DCC: variants seen among roughly 807,000 people sequenced by gnomAD.
DCC encodes DCC netrin 1 receptor.
A neutral mutation model predicts 172.5 loss-of-function variants in DCC; 58 were observed. The observed-to-expected ratio is 0.34, with a 90% CI of 0.27 to 0.42. The LOEUF is 0.42. Ranked by LOEUF, DCC falls within the 10% of genes least tolerant of loss-of-function variation. The pLI, the probability that DCC is intolerant of heterozygous loss-of-function variation, is 1.00. For missense variants in DCC, 1,740 were observed against 1,791.0 expected (o/e 0.97, Z 0.51); for synonymous variants, 709 against 644.5 (o/e 1.10, Z -1.52).
At chr18:52,512,090 A>G (rs1362102214) in intron 1 of DCC, among the ~76,000 whole-genome samples, 2 of 152,208 alleles carry the variant, frequency 1.3e-5, no homozygotes, top group Non-Finnish European at 2.9e-5. Flanking sequence ...ACTTTACCTG[A>G]AAGAAGCTAA....
intron 1 of DCC, among the ~76,000 whole-genome samples, chr18:52,443,025 G>A (rs994934213): frequency 5.3e-5 from 8 of 151,562 alleles, no homozygotes; most frequent in African/African-American, 1.9e-4. Flanking sequence ...TTTAGCAGAA[G>A]TTGAAAAATC....
In DCC at chr18:53,351,316, C is replaced by CTGTGTATATATATACATATATATAT. The variant is rs1568074581; in HGVS notation, c.2359+11409_2359+11410insTGTGTATATATATACATATATATAT. On this transcript the variant is annotated intron_variant, in intron 15 of 28. Transcript: ENST00000442544. ...GTATATATATATATATATATATATACACTGTATATATATATACAGTGTATA... is the reference window on the plus strand; with the variant it reads ...GTATATATATATATATATATATATACTGTGTATATATATACATATATATATACTGTATATATATATACAGTGTATA... Among the ~76,000 whole-genome samples the CTGTGTATATATATACATATATATAT allele has an allele frequency of 1.0e-4, 2 of 19,892 alleles. 1 individual carries two copies. Among genetic ancestry groups the CTGTGTATATATATACATATATATAT allele is most frequent in the Non-Finnish European group, 2.0e-4 (2 of 10,132 alleles). 13.0% of individuals were successfully genotyped at this position (19,892 alleles called of 152,430 possible). A position where few individuals can be genotyped will look rare whatever the true frequency, so the allele number is the denominator to read the frequency against.
intron 1 of DCC, among the ~76,000 whole-genome samples, chr18:52,584,706 ATT>A (rs200776292): frequency 4.1e-5 from 6 of 145,076 alleles, no homozygotes; most frequent in African/African-American, 1.0e-4. Flanking sequence ...TGCCCAGATA[ATT>A]TTTTTTTTTT....
At chr18:52,635,044 G>A (rs1047412315) in intron 1 of DCC, among the ~76,000 whole-genome samples, 1 of 152,148 alleles carries the variant, frequency 6.6e-6, no homozygotes, top group Non-Finnish European at 1.5e-5. Context: ...CCCTACTGGA[G>A]ATTATATTAT....
intron 12 of DCC, among the ~76,000 whole-genome samples, chr18:53,251,648 C>A (rs1443427949): frequency 6.6e-6 from 1 of 151,874 alleles, no homozygotes; most frequent in Middle Eastern, 3.4e-3. Context: ...AAGTTACATA[C>A]AGCACTATCA....
intron 2 of DCC, among the ~76,000 whole-genome samples, chr18:52,861,673 G>A (rs1024560244): frequency 1.1e-4 from 17 of 151,642 alleles, no homozygotes; most frequent in African/African-American, 4.1e-4. Flanking sequence ...TTTAAAAAAA[G>A]CGTTTAAGTC....
chr18:53,009,779 A>T (rs1419215704), intron 5 of DCC, among the ~76,000 whole-genome samples: 2 of 151,942 alleles, frequency 1.3e-5, no homozygotes, highest in East Asian at 3.9e-4. Flanking sequence ...TCTGAACCAG[A>T]TGCTCAGCAT....
At chr18:53,424,967 C>T (rs988807059) in intron 21 of DCC, among the ~76,000 whole-genome samples, 3 of 152,228 alleles carry the variant, frequency 2.0e-5, no homozygotes, top group South Asian at 4.1e-4. Context: ...GCCCTGGAAA[C>T]CCATCCACTC....
chr18:53,162,520 A>G (rs1284252215), intron 8 of DCC, among the ~76,000 whole-genome samples: 1 of 152,136 alleles, frequency 6.6e-6, no homozygotes, highest in Non-Finnish European at 1.5e-5. Context: ...CATTCACAGA[A>G]TTAACAGAAC....
intron 24 of DCC, among the ~76,000 whole-genome samples, chr18:53,462,114 G>A (rs1318041462): frequency 2.6e-5 from 4 of 152,132 alleles, no homozygotes; most frequent in Admixed American, 1.3e-4. Flanking sequence ...TTGTGGACAC[G>A]TGGGCTAACC....
intron 26 of DCC, among the ~76,000 whole-genome samples, chr18:53,493,898 A>G (rs1450344269): frequency 6.6e-6 from 1 of 151,586 alleles, no homozygotes; most frequent in African/African-American, 2.4e-5. Context: ...TTGCTTCTCT[A>G]GTTCTTTTAA....
intron 18 of DCC, 92 bp downstream of exon 18, chr18:53,397,538 TTA>T (rs1909031282): frequency 7.5e-7 from 1 of 1,332,708 alleles, no homozygotes; most frequent in African/African-American, 1.4e-5. Context: ...GGTGTCTCAA[TTA>T]TACCTTATCC....
chr18:52,489,003 G>A (rs1219478283), intron 1 of DCC, among the ~76,000 whole-genome samples: 1 of 151,660 alleles, frequency 6.6e-6, no homozygotes, highest in African/African-American at 2.4e-5. Flanking sequence ...TAGAGTTATG[G>A]TCCTTGTGGT....
chr18:53,050,785 G>T (rs1046352310), intron 5 of DCC, among the ~76,000 whole-genome samples: 1 of 151,984 alleles, frequency 6.6e-6, no homozygotes, highest in African/African-American at 2.4e-5. Context: ...CTACCCGATT[G>T]CTCCAGCCAG....
At chr18:52,939,216 C>T (rs548042022) in intron 5 of DCC, among the ~76,000 whole-genome samples, 2 of 152,288 alleles carry the variant, frequency 1.3e-5, no homozygotes, top group Admixed American at 1.3e-4. Context: ...ATTTGGGAAG[C>T]TCCCCATATG....
intron 2 of DCC, among the ~76,000 whole-genome samples, chr18:52,769,311 C>T (rs2037302873): frequency 1.3e-5 from 2 of 152,196 alleles, no homozygotes; most frequent in Non-Finnish European, 2.9e-5. Flanking sequence ...TTTAATTTAT[C>T]ACTTCCTAAT....
At chr18:52,988,018 A>G (rs2041322532) in intron 5 of DCC, among the ~76,000 whole-genome samples, 1 of 152,322 alleles carries the variant, frequency 6.6e-6, no homozygotes, top group East Asian at 1.9e-4. Flanking sequence ...GAATTTAGGT[A>G]ATTTGTATTT....
At chr18:52,406,390 A>G (rs527898389) in intron 1 of DCC, among the ~76,000 whole-genome samples, 68 of 151,914 alleles carry the variant, frequency 4.5e-4, no homozygotes, top group South Asian at 4.2e-4. Context: ...CAGGCAACCT[A>G]CAAAATGGGA....
At chr18:53,440,421 TA>T (rs1352874244) in intron 22 of DCC, among the ~76,000 whole-genome samples, 1 of 152,044 alleles carries the variant, frequency 6.6e-6, no homozygotes, top group African/African-American at 2.4e-5. Flanking sequence ...TATTAATTTT[TA>T]AATACTCAGA....
Sources: allele counts gnomAD v4.1 joint callset (sites outside exome capture counted in the v4.1 genomes callset), GRCh38; gene constraint gnomAD v4.1.1; transcripts MANE v1.5; gene names NCBI Gene and HGNC (gene_info 2026-07-23, HGNC 2026-07-21).